The following ZNF628 variants were observed in gnomAD, a reference collection of about 807,000 sequenced individuals.
The protein encoded by ZNF628 is zinc finger protein 628.
ZNF628 carries 3 observed loss-of-function variants against 2.5 expected under a neutral mutation model. That is an observed-to-expected ratio of 1.19 (90% CI 0.54 to 3.07). The LOEUF is 3.07. ZNF628 is among the 30% of genes most tolerant of loss of function. The pLI is 0.03. For missense variants in ZNF628, 1,610 were observed against 1,517.1 expected (o/e 1.06, Z -1.02); for synonymous variants, 861 against 717.1 (o/e 1.20, Z -3.21).
rs952857365 is a variant in ZNF628 at position 55,479,179 on chromosome 19, G to T, written c.-77-655G>T. On this transcript the variant is annotated intron_variant, in intron 1 of 2. Coordinates refer to ENST00000598519, the MANE Select transcript of ZNF628 (RefSeq NM_033113.3). This position sits in a 1 kb window ranked among gnomAD's most constrained non-coding sequence, Gnocchi z 5.1. ...GAACCAAGCTGGGGACTGAGATGGGGTGACAGGTGACGGAGGGCAGTGAGG... is the reference window on the plus strand; with the variant it reads ...GAACCAAGCTGGGGACTGAGATGGGTTGACAGGTGACGGAGGGCAGTGAGG... Among the ~76,000 whole-genome samples, 2 of 152,142 alleles carry T rather than the reference G, an allele frequency of 1.3e-5. No homozygotes were observed. Among genetic ancestry groups the T allele is most frequent in the African/African-American group, 4.8e-5 (2 of 41,432 alleles).
rs1273658064 is a variant in ZNF628, at chr19:55,483,577, C to T, written c.2384C>T (p.Thr795Ile). 1 of 1,608,046 alleles carries T rather than the reference C, an allele frequency of 6.2e-7. No individual in the cohort carries two copies. The highest frequency in any genetic ancestry group is 8.5e-7 in the Non-Finnish European group (1 of 1,176,668). ...GCGGCCAGCGCTGGGGCCAGCGGGA[C>T]AGGGCAGAGCCTCATCGTTCTGCAG... The part of the protein sequence containing the change: ...QGAASAGASG[T>I]GQSLIVLQNV... The change falls in exon 3 of 3, where the codon ACA (threonine) becomes ATA (isoleucine). Residue 795 changes from threonine to isoleucine, a missense_variant. By Grantham distance (89) the Thr-to-Ile change is moderately conservative. Around this residue, in one of 5 missense-constraint regions of ZNF628, gnomAD observed 712 missense variants for 603.6 expected, o/e 1.18. Coordinates refer to ENST00000598519, the MANE Select transcript of ZNF628 (RefSeq NM_033113.3).
At position 55,481,965 on chromosome 19, in the gene ZNF628, C is replaced by G. The variant is rs1158367201; in HGVS notation, c.772C>G (p.Arg258Gly). The G allele has an allele frequency of 6.1e-6, 9 of 1,464,420 alleles. No individual in the cohort carries two copies. In the African/African-American group the frequency reaches 1.0e-4, roughly 17 times the overall value. 90.7% of individuals were successfully genotyped at this position (1,464,420 alleles called of 1,614,324 possible). A position where few individuals can be genotyped will look rare whatever the true frequency, so the allele number is the denominator to read the frequency against. ...CTTCGTGTGCGACGCCTACCTGCAG[C>G]GGCACCTCCAGCCCCACAGCCCGCC... ...KVFVCDAYLQRHLQPHSPPAP... is the reference protein window; with the variant it reads ...KVFVCDAYLQGHLQPHSPPAP... Residue 258 changes from arginine to glycine, a missense_variant, in exon 3 of 3, where the codon CGG (arginine) becomes GGG (glycine). This residue lies in a region of ZNF628 where 651 missense variants were observed against 575.6 expected (regional missense o/e 1.13). Coordinates refer to ENST00000598519, the MANE Select transcript of ZNF628 (RefSeq NM_033113.3).
intron 1 of ZNF628, among the ~76,000 whole-genome samples, chr19:55,477,851 A>G (rs1029654827): frequency 6.6e-6 from 1 of 152,164 alleles, no homozygotes. Context: ...TTTACTGCGC[A>G]CACACTCTGC....
At position 55,482,321 on chromosome 19, in the gene ZNF628, C is replaced by G. The variant is rs933639384; in HGVS notation, c.1128C>G (p.His376Gln). The change falls in exon 3 of 3, where the codon CAC becomes CAG. Residue 376 changes from histidine to glutamine, a missense_variant. Around this residue, in one of 5 missense-constraint regions of ZNF628, gnomAD observed 651 missense variants for 575.6 expected, o/e 1.13. Coordinates refer to ENST00000598519, the MANE Select transcript of ZNF628 (RefSeq NM_033113.3). ...TGGCTGGGCTCTCCCGCCACCAGCA[C>G]AGCCACGGGGCTGCCGGCGGGCAAG... is the stretch of plus-strand genomic sequence containing the variant. ...RTVAGLSRHQHSHGAAGGQAF... is the reference protein window; with the variant it reads ...RTVAGLSRHQQSHGAAGGQAF... The G allele has an allele frequency of 4.8e-6, 7 of 1,466,616 alleles. No homozygotes were observed. Among genetic ancestry groups the G allele is most frequent in the African/African-American group, 1.5e-5 (1 of 67,598 alleles). 90.9% of individuals were successfully genotyped at this position (1,466,616 alleles called of 1,614,324 possible).
At position 55,482,443 on chromosome 19, in the gene ZNF628, C is replaced by T. The variant is rs1351828800; in HGVS notation, c.1250C>T (p.Pro417Leu). Residue 417 changes from proline (P) to leucine (L), a missense_variant, in exon 3 of 3, where the codon CCG becomes CTG. Transcript: ENST00000598519. ...GTGGAAGAGGCCGCGGCCGGGCGCC[C>T]GCCCCCGCAGGCTGAGGCTGCGGAG... ...CHVEEAAAGR[P>L]PPQAEAAEVT... 3 of 1,353,058 alleles carry T rather than the reference C, an allele frequency of 2.2e-6. No individual in the cohort carries two copies. Among genetic ancestry groups the T allele is most frequent in the Non-Finnish European group, 2.8e-6 (3 of 1,057,034 alleles). 83.8% of individuals were successfully genotyped at this position (1,353,058 alleles called of 1,614,324 possible). A position where few individuals can be genotyped will look rare whatever the true frequency, so the allele number is the denominator to read the frequency against.
At chr19:55,481,165 C>CG (rs1416856128) in intron 2 of ZNF628, 36 bp from the exon 3 acceptor site, 40 of 1,485,790 alleles carry the variant, frequency 2.7e-5, no homozygotes, top group Non-Finnish European at 3.6e-5. Context: ...TGATCCAGTG[C>CG]GGGGGTGAGC....
Position 55,482,522 on chromosome 19 carries a change from C to T in ZNF628, c.1329C>T (p.Pro443=), listed in dbSNP as rs751940959. The change falls in exon 3 of 3, where the codon CCC becomes CCT. Residue 443 remains proline (P), a synonymous_variant. Transcript: ENST00000598519. ...LAPAAPVPPP[P]PSAPASAERP... ...CTGCCGCCCCCGTCCCGCCGCCACC[C>T]CCGTCCGCCCCCGCTTCTGCGGAGC... The T allele has an allele frequency of 1.7e-5, 26 of 1,503,560 alleles. No homozygotes were observed. Among genetic ancestry groups the T allele is most frequent in the East Asian group, 1.7e-4 (7 of 41,238 alleles). 93.1% of individuals were successfully genotyped at this position (1,503,560 alleles called of 1,614,324 possible). A position where few individuals can be genotyped will look rare whatever the true frequency, so the allele number is the denominator to read the frequency against.
In ZNF628 at chr19:55,483,277, G is replaced by C. The variant is rs988572983; in HGVS notation, c.2084G>C (p.Gly695Ala). 21 of 1,517,798 alleles carry C rather than the reference G, an allele frequency of 1.4e-5. No individual in the cohort carries two copies. The Admixed American group carries it at 4.4e-4, about 32-fold the overall frequency. The allele number at this position is 1,517,798 out of a possible 1,614,324, so 94.0% of individuals were successfully genotyped here. Residue 695 changes from glycine (G) to alanine (A), a missense_variant, in exon 3 of 3, where the codon GGC (glycine) becomes GCC (alanine). Coordinates refer to ENST00000598519, the MANE Select transcript of ZNF628 (RefSeq NM_033113.3). ...ACGCTCTCCCTCGAGGTGGCGGGGG[G>C]CACGGCCCAGGCCCCGAGCTTGGGG... is the stretch of plus-strand genomic sequence containing the variant. ...QATLSLEVAGGTAQAPSLGPA... is the reference protein window; with the variant it reads ...QATLSLEVAGATAQAPSLGPA...
In ZNF628 at chr19:55,481,977, C is replaced by G; in HGVS notation, c.784C>G (p.Pro262Ala). The G allele has an allele frequency of 6.8e-7, 1 of 1,460,084 alleles. No individual in the cohort carries two copies. Among genetic ancestry groups the G allele is most frequent in the Non-Finnish European group, 9.0e-7 (1 of 1,112,624 alleles). The allele number at this position is 1,460,084 out of a possible 1,614,324, so 90.4% of individuals were successfully genotyped here. ...CGCCTACCTGCAGCGGCACCTCCAGCCCCACAGCCCGCCCGCGCCTCCCGC... is the reference window on the plus strand; with the variant it reads ...CGCCTACCTGCAGCGGCACCTCCAGGCCCACAGCCCGCCCGCGCCTCCCGC... ...CDAYLQRHLQ[P>A]HSPPAPPAPP... The change falls in exon 3 of 3, where the codon CCC becomes GCC. Residue 262 changes from proline (P) to alanine (A), a missense_variant. This residue lies in a region of ZNF628 where 651 missense variants were observed against 575.6 expected (regional missense o/e 1.13). Coordinates refer to ENST00000598519, the MANE Select transcript of ZNF628 (RefSeq NM_033113.3).
chr19:55,481,996 C>T lies in ZNF628; in HGVS notation c.803C>T (p.Pro268Leu). 6.8e-7 allele frequency: 1 copy of T among 1,467,152 alleles called. No homozygotes were observed. The highest frequency in any genetic ancestry group is 1.3e-5 in the South Asian group (1 of 78,262). The allele number at this position is 1,467,152 out of a possible 1,614,324, so 90.9% of individuals were successfully genotyped here. The change falls in exon 3 of 3, where the codon CCT (proline) becomes CTT (leucine). Residue 268 changes from proline to leucine, a missense_variant. Physicochemically the swap from Pro to Leu is moderately conservative, Grantham distance 98. Transcript: ENST00000598519. ...CTCCAGCCCCACAGCCCGCCCGCGC[C>T]TCCCGCCCCGCCGCCCCCGCCCCCG... ...RHLQPHSPPA[P>L]PAPPPPPPPV...
chr19:55,482,519 AC>A lies in ZNF628; in HGVS notation c.1331del (p.Pro444ArgfsTer198). On this transcript the variant is annotated frameshift_variant, in exon 3 of 3. Coordinates refer to ENST00000598519, the MANE Select transcript of ZNF628 (RefSeq NM_033113.3). LOFTEE classifies it low-confidence loss of function (END_TRUNC). ...LAPAAPVPPP[P>X]PSAPASAERP... is the part of the protein sequence containing the mutation. Reference sequence around the variant, plus strand: ...CGCCTGCCGCCCCCGTCCCGCCGCCACCCCCGTCCGCCCCCGCTTCTGCGGA... The same window carrying A: ...CGCCTGCCGCCCCCGTCCCGCCGCCACCCCGTCCGCCCCCGCTTCTGCGGA... 1.1e-6 allele frequency: 1 copy of A among 912,278 alleles called. No homozygotes were observed. Among genetic ancestry groups the A allele is most frequent in the Admixed American group, 2.7e-5 (1 of 37,324 alleles). The allele number at this position is 912,278 out of a possible 1,614,324, so 56.5% of individuals were successfully genotyped here. A position where few individuals can be genotyped will look rare whatever the true frequency, so the allele number is the denominator to read the frequency against.
chr19:55,482,356 G>T lies in ZNF628; in HGVS notation c.1163G>T (p.Cys388Phe), dbSNP rs1986745557. 1 of 1,442,054 alleles carries T rather than the reference G, an allele frequency of 6.9e-7. No homozygotes were observed. Among genetic ancestry groups the T allele is most frequent in the Non-Finnish European group, 9.1e-7 (1 of 1,102,092 alleles). The allele number at this position is 1,442,054 out of a possible 1,614,324, so 89.3% of individuals were successfully genotyped here. ...GCTGCCGGCGGGCAAGCGTTCCGCTGCGGCAGCTGCGACGGCTCCTTCCCG... is the reference window on the plus strand; with the variant it reads ...GCTGCCGGCGGGCAAGCGTTCCGCTTCGGCAGCTGCGACGGCTCCTTCCCG... ...HGAAGGQAFR[C>F]GSCDGSFPQL... The change falls in exon 3 of 3, where the codon TGC becomes TTC. Residue 388 changes from cysteine (C) to phenylalanine (F), a missense_variant. By Grantham distance (205) the Cys-to-Phe change is radical. Coordinates refer to ENST00000598519, the MANE Select transcript of ZNF628 (RefSeq NM_033113.3).
In ZNF628 at chr19:55,483,960, C is replaced by A; in HGVS notation, c.2767C>A (p.Leu923Ile). ...CAGCACTGGTGTGGTCCAGGATGTCCTCTTTGAGACACTCCAGACGGACGA... is the reference window on the plus strand; with the variant it reads ...CAGCACTGGTGTGGTCCAGGATGTCATCTTTGAGACACTCCAGACGGACGA... ...EASTGVVQDV[L>I]FETLQTDEGL... Residue 923 changes from leucine (L) to isoleucine (I), a missense_variant, in exon 3 of 3, where the codon CTC (leucine) becomes ATC (isoleucine). This residue lies in a region of ZNF628 where 712 missense variants were observed against 603.6 expected (regional missense o/e 1.18). Transcript: ENST00000598519. 6.4e-7 allele frequency: 1 copy of A among 1,571,608 alleles called. No individual in the cohort carries two copies. The highest frequency in any genetic ancestry group is 2.3e-5 in the East Asian group (1 of 43,692).
chr19:55,478,312 A>C (rs1284179366), intron 1 of ZNF628, among the ~76,000 whole-genome samples: 1 of 152,284 alleles, frequency 6.6e-6, no homozygotes, highest in African/African-American at 2.4e-5. Flanking sequence ...AGATTTAAAT[A>C]GGGCTGTCAG....
At position 55,483,403 on chromosome 19, in the gene ZNF628, C is replaced by G. The variant is rs768606030; in HGVS notation, c.2210C>G (p.Pro737Arg). 29 of 1,530,726 alleles carry G rather than the reference C, an allele frequency of 1.9e-5. No homozygotes were observed. The highest frequency in any genetic ancestry group is 2.5e-5 in the Non-Finnish European group (29 of 1,140,526). 94.8% of individuals were successfully genotyped at this position (1,530,726 alleles called of 1,614,324 possible). Residue 737 changes from proline (P) to arginine (R), a missense_variant, in exon 3 of 3, where the codon CCC becomes CGC. Transcript: ENST00000598519. ...SVQPPTPPPP[P>R]APPKLILLPS... ...CAGCCCCCTACACCTCCGCCCCCTCCCGCACCTCCCAAGCTCATCCTGCTG... is the reference window on the plus strand; with the variant it reads ...CAGCCCCCTACACCTCCGCCCCCTCGCGCACCTCCCAAGCTCATCCTGCTG...
At position 55,482,945 on chromosome 19, in the gene ZNF628, C is replaced by G; in HGVS notation, c.1752C>G (p.His584Gln). The G allele has an allele frequency of 6.2e-7, 1 of 1,610,062 alleles. No individual in the cohort carries two copies. Among genetic ancestry groups the G allele is most frequent in the Non-Finnish European group, 8.5e-7 (1 of 1,179,026 alleles). Reference protein sequence around the residue: ...SFAQTSNLRQHQRVHTGERPF... With the variant: ...SFAQTSNLRQQQRVHTGERPF... ...CGCAGACCTCCAACCTGCGGCAGCACCAGCGCGTGCACACGGGCGAGCGGC... is the reference window on the plus strand; with the variant it reads ...CGCAGACCTCCAACCTGCGGCAGCAGCAGCGCGTGCACACGGGCGAGCGGC... Residue 584 changes from histidine to glutamine, a missense_variant, in exon 3 of 3, where the codon CAC becomes CAG. Transcript: ENST00000598519.
In ZNF628 at chr19:55,483,066, C is replaced by T. The variant is rs759401484; in HGVS notation, c.1873C>T (p.Pro625Ser). The T allele has an allele frequency of 2.5e-6, 4 of 1,610,732 alleles. No individual in the cohort carries two copies. Among genetic ancestry groups the T allele is most frequent in the Non-Finnish European group, 3.4e-6 (4 of 1,179,440 alleles). The change falls in exon 3 of 3, where the codon CCC becomes TCC. Residue 625 changes from proline to serine, a missense_variant. This residue lies in a region of ZNF628 where 712 missense variants were observed against 603.6 expected (regional missense o/e 1.18). Transcript: ENST00000598519. ...CTCGGCGGAGCGCCCCTTCACCTGC[C>T]CCATCTGCGGTCGCGGCTTCGTTAT... ...THSAERPFTC[P>S]ICGRGFVMAA...
chr19:55,481,684 G>C lies in ZNF628; in HGVS notation c.491G>C (p.Arg164Pro). The change falls in exon 3 of 3, where the codon CGG becomes CCG. Residue 164 changes from arginine to proline, a missense_variant. Arg to Pro is a moderately radical substitution (Grantham distance 103). Transcript: ENST00000598519. ...GCCTTCAAGAACTCGTCCAGCCTGCGGCGCCACCGCCACGTGCACACCGGC... is the reference window on the plus strand; with the variant it reads ...GCCTTCAAGAACTCGTCCAGCCTGCCGCGCCACCGCCACGTGCACACCGGC... ...PKAFKNSSSL[R>P]RHRHVHTGER... is the part of the protein sequence containing the mutation. 1 of 1,610,028 alleles carries C rather than the reference G, an allele frequency of 6.2e-7. No individual in the cohort carries two copies. The highest frequency in any genetic ancestry group is 8.5e-7 in the Non-Finnish European group (1 of 1,178,652).
In ZNF628 at chr19:55,481,476, C is replaced by T. The variant is rs1464635634; in HGVS notation, c.283C>T (p.Pro95Ser). The change falls in exon 3 of 3, where the codon CCC becomes TCC. Residue 95 changes from proline (P) to serine (S), a missense_variant. Transcript: ENST00000598519. ...CACGGGCGAGCGGCCCTACCAGTGC[C>T]CCGACTGTCCCAAGGCCTTCAAGCG... The part of the protein sequence containing the change: ...GHTGERPYQC[P>S]DCPKAFKRSS... 1 of 1,612,120 alleles carries T rather than the reference C, an allele frequency of 6.2e-7. No homozygotes were observed. Among genetic ancestry groups the T allele is most frequent in the African/African-American group, 1.3e-5 (1 of 74,648 alleles).
Sources: allele counts gnomAD v4.1 joint callset (sites outside exome capture counted in the v4.1 genomes callset), GRCh38; gene constraint gnomAD v4.1.1; regional missense constraint gnomAD v4.1.1; non-coding constraint Gnocchi (gnomAD v3.1); transcripts MANE v1.5; gene names NCBI Gene and HGNC (gene_info 2026-07-23, HGNC 2026-07-21).